Variants in WDR72 observed in about 807,000 individuals in gnomAD.
WDR72 encodes the protein WD repeat domain 72.
WDR72 carries 120 observed loss-of-function variants against 124.2 expected under a neutral mutation model. The observed-to-expected ratio is 0.97, with a 90% CI of 0.83 to 1.12. The LOEUF (loss-of-function observed/expected upper bound fraction) is 1.12, where lower values mean the gene tolerates loss of function less well. Ranked by LOEUF, WDR72 falls within the 50% of genes most tolerant of loss-of-function variation. The probability of loss-of-function intolerance (pLI) is 0.00; values close to 1 mark genes in which losing one functional copy is unlikely to be tolerated. For missense variants in WDR72, 1,387 were observed against 1,278.8 expected (o/e 1.08, Z -1.29); for synonymous variants, 452 against 441.7 (o/e 1.02, Z -0.29).
At chr15:53,699,049 A>G (rs1263991807) in intron 13 of WDR72, among the ~76,000 whole-genome samples, 1 of 152,174 alleles carries the variant, frequency 6.6e-6, no homozygotes, top group Non-Finnish European at 1.5e-5. Flanking sequence ...CCAGTCTGTT[A>G]ATAACACCCA....
At chr15:53,565,646 A>C (rs1894268298) in intron 18 of WDR72, among the ~76,000 whole-genome samples, 1 of 151,868 alleles carries the variant, frequency 6.6e-6, no homozygotes, top group Non-Finnish European at 1.5e-5. Context: ...ACTATGATTT[A>C]TTTTACCAGT....
intron 14 of WDR72, among the ~76,000 whole-genome samples, chr15:53,630,003 G>A (rs547600267): frequency 2.0e-5 from 3 of 152,076 alleles, no homozygotes; most frequent in East Asian, 3.9e-4. Context: ...TAATTAGTGG[G>A]GAAAAATCAA....
intron 1 of WDR72, among the ~76,000 whole-genome samples, chr15:53,757,977 TTCTC>T (rs5812712): frequency 0.5 from 73,874 of 148,510 alleles, 20,256 homozygotes; most frequent in Middle Eastern, 0.68. Flanking sequence ...AGAGTTTATT[TTCTC>T]TCTCTCTCTC....
At chr15:53,726,521 C>A (rs2018043379) in intron 2 of WDR72, among the ~76,000 whole-genome samples, 1 of 151,962 alleles carries the variant, frequency 6.6e-6, no homozygotes, top group East Asian at 1.9e-4. Context: ...ACATTACAAA[C>A]AAAATTTTAA....
intron 14 of WDR72, among the ~76,000 whole-genome samples, chr15:53,635,003 A>G (rs1466114894): frequency 6.6e-6 from 1 of 152,222 alleles, no homozygotes; most frequent in Non-Finnish European, 1.5e-5. Context: ...GTGTAAGTTG[A>G]CACTCTGCTT....
At chr15:53,662,515 T>G (rs1396488254) in intron 14 of WDR72, among the ~76,000 whole-genome samples, 1 of 152,218 alleles carries the variant, frequency 6.6e-6, no homozygotes, top group African/African-American at 2.4e-5. Flanking sequence ...TTCACCTGTG[T>G]CTTACTAAAA....
At chr15:53,537,199 G>T (rs535869451) in intron 18 of WDR72, among the ~76,000 whole-genome samples, 1 of 152,256 alleles carries the variant, frequency 6.6e-6, no homozygotes, top group African/African-American at 2.4e-5. Flanking sequence ...GCCCATGATT[G>T]TGTCTGGATA....
Position 53,544,413 on chromosome 15 carries a change from CAT to C in WDR72, c.3149-21093_3149-21092del, listed in dbSNP as rs1291088516. 2.5e-5 allele frequency among the ~76,000 whole-genome samples: 3 copies of C among 119,332 alleles called. No homozygotes were observed. The East Asian group carries it at 6.9e-4, about 27-fold the overall frequency. 78.3% of individuals were successfully genotyped at this position (119,332 alleles called of 152,430 possible). On this transcript the variant is annotated intron_variant, in intron 18 of 19. Coordinates refer to ENST00000360509, the MANE Select transcript of WDR72 (RefSeq NM_182758.4). ...TAAACAGAGCCAAAGACAAAAACCA[CAT>C]GATTATCTCAATAGATGCAGAAAAG...
At chr15:53,672,651 A>G (rs2016036536) in intron 13 of WDR72, among the ~76,000 whole-genome samples, 1 of 152,204 alleles carries the variant, frequency 6.6e-6, no homozygotes, top group Non-Finnish European at 1.5e-5. Context: ...GCACAGAGTA[A>G]AGAGCACACT....
chr15:53,739,310 C>T (rs144077579), intron 1 of WDR72, among the ~76,000 whole-genome samples: 1,599 of 152,254 alleles, frequency 0.011, 13 homozygotes, highest in Non-Finnish European at 0.015. Flanking sequence ...ATCTGGCAGT[C>T]CTGGGACCCT....
At chr15:53,554,351 A>C (rs1893848236) in intron 18 of WDR72, among the ~76,000 whole-genome samples, 1 of 152,136 alleles carries the variant, frequency 6.6e-6, no homozygotes, top group Non-Finnish European at 1.5e-5. Flanking sequence ...CTTAACAATG[A>C]AGGATTTAGA....
chr15:53,690,313 A>G (rs2016797556), intron 13 of WDR72, among the ~76,000 whole-genome samples: 1 of 152,204 alleles, frequency 6.6e-6, no homozygotes, highest in South Asian at 2.1e-4. Context: ...TACATTAACT[A>G]CACAATTCAG....
At chr15:53,582,543 G>T (rs1298952306) in intron 18 of WDR72, among the ~76,000 whole-genome samples, 1 of 151,792 alleles carries the variant, frequency 6.6e-6, no homozygotes, top group Non-Finnish European at 1.5e-5. Context: ...TTGTGTTTTA[G>T]AAAAATCTTA....
At chr15:53,595,543 C>A (rs940424056) in intron 18 of WDR72, among the ~76,000 whole-genome samples, 1 of 152,072 alleles carries the variant, frequency 6.6e-6, no homozygotes, top group African/African-American at 2.4e-5. Flanking sequence ...GAAAATGGGG[C>A]TCTGGGCCAA....
intron 14 of WDR72, among the ~76,000 whole-genome samples, chr15:53,649,596 C>T (rs961208454): frequency 2.0e-5 from 3 of 151,678 alleles, no homozygotes; most frequent in Non-Finnish European, 4.4e-5. Context: ...AGCAAAAAAC[C>T]CTAATAATAA....
chr15:53,639,294 C>T (rs569909416), intron 14 of WDR72, among the ~76,000 whole-genome samples: 11 of 151,912 alleles, frequency 7.2e-5, no homozygotes, highest in Non-Finnish European at 1.3e-4. Flanking sequence ...AACAGACAGC[C>T]GCAGTCCCTG....
At chr15:53,543,537 A>C (rs903668813) in intron 18 of WDR72, among the ~76,000 whole-genome samples, 1 of 150,906 alleles carries the variant, frequency 6.6e-6, no homozygotes, top group African/African-American at 2.4e-5. Context: ...CCACAAGAGA[A>C]AGCAGGAAAG....
intron 6 of WDR72, 78 bp from the exon 7 acceptor site, chr15:53,712,969 C>T (rs2017589902): frequency 1.5e-5 from 22 of 1,515,246 alleles, no homozygotes; most frequent in Non-Finnish European, 1.9e-5. Context: ...GCTTCCCGTA[C>T]ATCTCAAGTA....
At chr15:53,673,756 G>A (rs967573237) in intron 13 of WDR72, among the ~76,000 whole-genome samples, 11 of 152,158 alleles carry the variant, frequency 7.2e-5, no homozygotes, top group East Asian at 3.9e-4. Flanking sequence ...TTGGGAGGCC[G>A]AGGTGGGTGG....
Sources: gnomAD v4.1 joint callset for allele counts (sites outside exome capture counted in the v4.1 genomes callset) on GRCh38, gnomAD v4.1.1 for gene constraint, MANE v1.5 for transcripts, NCBI Gene and HGNC (gene_info 2026-07-23, HGNC 2026-07-21) for gene names.